Variants in PPARA observed in about 807,000 individuals in gnomAD.
PPARA encodes the protein peroxisome proliferator-activated receptor alpha.
PPARA carries 22 observed loss-of-function variants against 42.2 expected under a neutral mutation model. The ratio of observed to expected loss-of-function variants is 0.52; its 90% confidence interval spans 0.37 to 0.74. The LOEUF (loss-of-function observed/expected upper bound fraction) is 0.74. PPARA is among the 30% of genes least tolerant of loss of function. The pLI, the probability that PPARA is intolerant of heterozygous loss-of-function variation, is 0.00. For missense variants in PPARA, 465 were observed against 608.2 expected (o/e 0.76, Z 2.48); for synonymous variants, 242 against 239.3 (o/e 1.01, Z -0.10).
intron 4 of PPARA, among the ~76,000 whole-genome samples, chr22:46,213,881 G>A (rs193211322): frequency 6.6e-6 from 1 of 152,152 alleles, no homozygotes; most frequent in Admixed American, 6.5e-5. Flanking sequence ...GAGCCACCAC[G>A]CCTAGCCCCC....
intron 2 of PPARA, among the ~76,000 whole-genome samples, chr22:46,166,482 G>A (rs1368282540): frequency 6.6e-6 from 1 of 152,112 alleles, no homozygotes; most frequent in Non-Finnish European, 1.5e-5. Flanking sequence ...GCTGGATGTG[G>A]TGGCAGGCGC....
rs1268182360 is a variant in PPARA at position 46,200,322 on chromosome 22, T to C, written c.208+1731T>C. Among the ~76,000 whole-genome samples, 1 of 152,242 alleles carries C rather than the reference T, an allele frequency of 6.6e-6. No individual in the cohort carries two copies. The highest frequency in any genetic ancestry group is 1.5e-5 in the Non-Finnish European group (1 of 68,038). ...TGATTTCATCATTGTGTGAAAGTCA[T>C]AGAGTACACTTAAACCCAGATGGTA... On this transcript the variant is annotated intron_variant, in intron 4 of 8. Transcript: ENST00000407236. The surrounding 1 kb of genome is among the most constrained non-coding windows in gnomAD (Gnocchi z 4.8).
Position 46,188,113 on chromosome 22 carries a change from C to A in PPARA, c.-42-10229C>A, listed in dbSNP as rs929587962. 6.6e-6 allele frequency among the ~76,000 whole-genome samples: 1 copy of A among 152,228 alleles called. No individual in the cohort carries two copies. ...TAGCTGAGCCACAAAATGACCACAG[C>A]TATGTGAATTATCCCAGGTCAGACC... On this transcript the variant is annotated intron_variant, in intron 3 of 8. Transcript: ENST00000407236. The surrounding 1 kb of genome is among the most constrained non-coding windows in gnomAD (Gnocchi z 5.0).
chr22:46,180,820 G>C lies in PPARA; in HGVS notation c.-43+3984G>C, dbSNP rs755497249. Among the ~76,000 whole-genome samples the C allele has an allele frequency of 1.3e-5, 2 of 152,198 alleles. No individual in the cohort carries two copies. Among genetic ancestry groups the C allele is most frequent in the African/African-American group, 4.8e-5 (2 of 41,450 alleles). Reference sequence around the variant, plus strand: ...TTTTCTGGGGGCTCGTCCGGGATTGGAGATGGCAGATTTTCTGTCTCCCTT... The same window carrying C: ...TTTTCTGGGGGCTCGTCCGGGATTGCAGATGGCAGATTTTCTGTCTCCCTT... On this transcript the variant is annotated intron_variant, in intron 3 of 8. Coordinates refer to ENST00000407236, the MANE Select transcript of PPARA (RefSeq NM_005036.6). This position sits in a 1 kb window ranked among gnomAD's most constrained non-coding sequence, Gnocchi z 4.2.
chr22:46,159,306 G>A (rs1174278566), intron 2 of PPARA, among the ~76,000 whole-genome samples: 2 of 152,182 alleles, frequency 1.3e-5, no homozygotes, highest in Non-Finnish European at 2.9e-5. Flanking sequence ...GTATGTAAAA[G>A]TTTTTTGTAA....
chr22:46,156,746 C>T lies in PPARA; in HGVS notation c.-127+4776C>T, dbSNP rs1464765523. ...CCTCCTAAGTAGCTGGGACTACAGG[C>T]ACCCGCCACCACGCCCAGCTAATTT... On this transcript the variant is annotated intron_variant, in intron 2 of 8. Transcript: ENST00000407236. The surrounding 1 kb of genome is among the most constrained non-coding windows in gnomAD (Gnocchi z 5.2). 1.3e-5 allele frequency among the ~76,000 whole-genome samples: 2 copies of T among 152,130 alleles called. No individual in the cohort carries two copies. The highest frequency in any genetic ancestry group is 2.4e-5 in the African/African-American group (1 of 41,442).
chr22:46,191,489 T>G lies in PPARA; in HGVS notation c.-42-6853T>G, dbSNP rs77038236. Among the ~76,000 whole-genome samples the G allele has an allele frequency of 0.025, 3,835 of 151,744 alleles. 158 individuals carry two copies. Among genetic ancestry groups the G allele is most frequent in the African/African-American group, 0.088 (3,638 of 41,108 alleles). ...CTCCCTATTGTGTTCAGTATGGTTTTTTTTTTTTTTTTCCTTTTGCTGGCT... is the reference window on the plus strand; with the variant it reads ...CTCCCTATTGTGTTCAGTATGGTTTGTTTTTTTTTTTTCCTTTTGCTGGCT... On this transcript the variant is annotated intron_variant, in intron 3 of 8. Transcript: ENST00000407236. The surrounding 1 kb of genome is among the most constrained non-coding windows in gnomAD (Gnocchi z 4.6).
rs551756798 is a variant in PPARA, at chr22:46,196,809, G to C, written c.-42-1533G>C. ...GCGACCTCAGCTCACCGCAACCTCC[G>C]CCTCCCATGTTCAAGCGGTTCTCCT... On this transcript the variant is annotated intron_variant, in intron 3 of 8. Transcript: ENST00000407236. The surrounding 1 kb of genome is among the most constrained non-coding windows in gnomAD (Gnocchi z 5.6). Among the ~76,000 whole-genome samples, 1 of 152,150 alleles carries C rather than the reference G, an allele frequency of 6.6e-6. No individual in the cohort carries two copies. The highest frequency in any genetic ancestry group is 2.1e-4 in the South Asian group (1 of 4,812).
chr22:46,168,154 C>A (rs1247396243), intron 2 of PPARA, among the ~76,000 whole-genome samples: 1 of 148,880 alleles, frequency 6.7e-6, no homozygotes, highest in African/African-American at 2.4e-5. Flanking sequence ...AGATGAAGAC[C>A]ATCCTGGCTA....
chr22:46,219,794 T>TC lies in PPARA; in HGVS notation c.509-13dup. The TC allele has an allele frequency of 3.1e-6, 5 of 1,613,804 alleles. No individual in the cohort carries two copies. Among genetic ancestry groups the TC allele is most frequent in the Non-Finnish European group, 4.2e-6 (5 of 1,179,806 alleles). On this transcript the variant is annotated splice_polypyrimidine_tract_variant and intron_variant, in intron 6 of 8. Transcript: ENST00000407236. The surrounding 1 kb of genome is among the most constrained non-coding windows in gnomAD (Gnocchi z 4.8). ...TGACCTCACTGCTCATGCCTGTGTT[T>TC]CCCCCTCCAAACCCTAGCGATTCGT... is the stretch of plus-strand genomic sequence containing the variant.
At position 46,171,811 on chromosome 22, in the gene PPARA, G is replaced by A. The variant is rs1323479046; in HGVS notation, c.-126-4942G>A. ...TTGTGAGGACTCTGGTTTGTGTTGT[G>A]TGTGAAAGGCCATGGGATGGGGACC... On this transcript the variant is annotated intron_variant, in intron 2 of 8. Coordinates refer to ENST00000407236, the MANE Select transcript of PPARA (RefSeq NM_005036.6). This position sits in a 1 kb window ranked among gnomAD's most constrained non-coding sequence, Gnocchi z 5.0. Among the ~76,000 whole-genome samples, 2 of 152,184 alleles carry A rather than the reference G, an allele frequency of 1.3e-5. No homozygotes were observed. Among genetic ancestry groups the A allele is most frequent in the Admixed American group, 6.5e-5 (1 of 15,280 alleles).
At chr22:46,176,578 G>T (rs1221551560) in intron 2 of PPARA, among the ~76,000 whole-genome samples, 175 bp from the exon 3 acceptor site, 1 of 152,152 alleles carries the variant, frequency 6.6e-6, no homozygotes, top group Non-Finnish European at 1.5e-5. Flanking sequence ...TTTTAAATTT[G>T]TTGAGGTTTG....
intron 3 of PPARA, among the ~76,000 whole-genome samples, chr22:46,177,940 C>A (rs1019694351): frequency 6.6e-6 from 1 of 152,128 alleles, no homozygotes; most frequent in African/African-American, 2.4e-5. Context: ...GAAGGCATAT[C>A]TTGAGGCTTT....
chr22:46,231,852 C>G lies in PPARA; in HGVS notation c.772C>G (p.Leu258Val). 2 of 1,614,090 alleles carry G rather than the reference C, an allele frequency of 1.2e-6. No homozygotes were observed. Among genetic ancestry groups the G allele is most frequent in the Non-Finnish European group, 1.7e-6 (2 of 1,180,032 alleles). The change falls in exon 8 of 9, where the codon CTG (leucine) becomes GTG (valine). Residue 258 changes from leucine to valine, a missense_variant. By Grantham distance (32) the Leu-to-Val change is conservative. Transcript: ENST00000407236. This position sits in a 1 kb window ranked among gnomAD's most constrained non-coding sequence, Gnocchi z 7.7. ...GGCTGAGAAGACGCTGGTGGCCAAG[C>G]TGGTGGCCAATGGCATCCAGAACAA... Reference protein sequence around the residue: ...CMAEKTLVAKLVANGIQNKEA... With the variant: ...CMAEKTLVAKVVANGIQNKEA...
In PPARA at chr22:46,200,920, T is replaced by A. The variant is rs1365338808; in HGVS notation, c.208+2329T>A. Among the ~76,000 whole-genome samples, 2 of 142,462 alleles carry A rather than the reference T, an allele frequency of 1.4e-5. No homozygotes were observed. The highest frequency in any genetic ancestry group is 2.6e-5 in the African/African-American group (1 of 37,972). The allele number at this position is 142,462 out of a possible 152,430, so 93.5% of individuals were successfully genotyped here. A position where few individuals can be genotyped will look rare whatever the true frequency, so the allele number is the denominator to read the frequency against. On this transcript the variant is annotated intron_variant, in intron 4 of 8. Transcript: ENST00000407236. This position sits in a 1 kb window ranked among gnomAD's most constrained non-coding sequence, Gnocchi z 4.8. ...GCTTGGGCGACAGGGTGAGACTCCA[T>A]CTCAAAAAAAAGTTGGGGCGTGGTG...
chr22:46,207,251 A>G (rs1043630365), intron 4 of PPARA, among the ~76,000 whole-genome samples: 4 of 151,600 alleles, frequency 2.6e-5, no homozygotes, highest in African/African-American at 9.7e-5. Context: ...AAGAAAAAGA[A>G]AAAAGTATGT....
rs1485518447 is a variant in PPARA, at chr22:46,241,572, G to T, written c.*6192G>T. ...AAGAGACAGGCTGGTGCCCAAGGCTGCTGCCTGCTCCACCTTTTGCCAGCT... is the reference window on the plus strand; with the variant it reads ...AAGAGACAGGCTGGTGCCCAAGGCTTCTGCCTGCTCCACCTTTTGCCAGCT... On this transcript the variant is annotated 3_prime_UTR_variant, in exon 9 of 9. Coordinates refer to ENST00000407236, the MANE Select transcript of PPARA (RefSeq NM_005036.6). This position sits in a 1 kb window ranked among gnomAD's most constrained non-coding sequence, Gnocchi z 5.7. 1 of 152,232 alleles carries T rather than the reference G, an allele frequency of 6.6e-6. No homozygotes were observed. The highest frequency in any genetic ancestry group is 1.5e-5 in the Non-Finnish European group (1 of 68,042). The allele number at this position is 152,232 out of a possible 1,614,324, so 9.4% of individuals were successfully genotyped here.
intron 2 of PPARA, 69 bp downstream of exon 2, chr22:46,152,039 T>C (rs1924509387): frequency 6.6e-6 from 1 of 152,232 alleles, no homozygotes; most frequent in Admixed American, 6.5e-5. Context: ...TTACTTCTGT[T>C]GCACTACAGA....
At position 46,203,906 on chromosome 22, in the gene PPARA, C is replaced by T. The variant is rs1274877241; in HGVS notation, c.208+5315C>T. 6.6e-6 allele frequency among the ~76,000 whole-genome samples: 1 copy of T among 152,264 alleles called. No individual in the cohort carries two copies. The highest frequency in any genetic ancestry group is 2.4e-5 in the African/African-American group (1 of 41,470). On this transcript the variant is annotated intron_variant, in intron 4 of 8. Transcript: ENST00000407236. The surrounding 1 kb of genome is among the most constrained non-coding windows in gnomAD (Gnocchi z 5.8). Reference sequence around the variant, plus strand: ...ACTTGTGGGGCAGGTTGCAGATTCTCTGGGGACGCCCCCCTTCTCTGCCTC... The same window carrying T: ...ACTTGTGGGGCAGGTTGCAGATTCTTTGGGGACGCCCCCCTTCTCTGCCTC...
Sources: gnomAD v4.1 joint callset for allele counts (sites outside exome capture counted in the v4.1 genomes callset) on GRCh38, gnomAD v4.1.1 for gene constraint, Gnocchi (gnomAD v3.1) non-coding constraint, MANE v1.5 for transcripts, NCBI Gene and HGNC (gene_info 2026-07-23, HGNC 2026-07-21) for gene names.